Variants in ABCA12 observed in about 807,000 individuals in gnomAD.
The protein encoded by ABCA12 is ATP binding cassette subfamily A member 12.
In ABCA12, 156 loss-of-function variants were observed where a neutral mutation model predicts 293.5. That is an observed-to-expected ratio of 0.53 (90% CI 0.47 to 0.61). ABCA12 has a LOEUF of 0.61. Among genes scored for constraint, ABCA12 ranks in the 20% least tolerant of loss-of-function variants. ABCA12 has a pLI of 0.00. For missense variants in ABCA12, 2,797 were observed against 3,090.2 expected (o/e 0.91, Z 2.25); for synonymous variants, 1,063 against 1,108.0 (o/e 0.96, Z 0.81).
chr2:215,129,410 G>A (rs74322692), intron 1 of ABCA12, among the ~76,000 whole-genome samples: 3,928 of 152,252 alleles, frequency 0.026, 141 homozygotes, highest in African/African-American at 0.086. Flanking sequence ...GACTTTTTAA[G>A]TAACAGCCAT....
At chr2:215,026,962 G>C in intron 9 of ABCA12, 24 bp from the exon 10 acceptor site, 1 of 1,491,890 alleles carries the variant, frequency 6.7e-7, no homozygotes. Context: ...AAAGAATATA[G>C]AAATTAAGAC....
chr2:215,063,078 T>C (rs1391428008), intron 3 of ABCA12, among the ~76,000 whole-genome samples: 3 of 152,000 alleles, frequency 2.0e-5, no homozygotes, highest in Admixed American at 1.3e-4. Flanking sequence ...AGCCTAATTA[T>C]TGAAACAACA....
At position 214,947,449 on chromosome 2, in the gene ABCA12, C is replaced by T; in HGVS notation, c.7212G>A (p.Leu2404=). 1 of 1,613,932 alleles carries T rather than the reference C, an allele frequency of 6.2e-7. No individual in the cohort carries two copies. Among genetic ancestry groups the T allele is most frequent in the Non-Finnish European group, 8.5e-7 (1 of 1,179,864 alleles). Residue 2404 remains leucine, a synonymous_variant, in exon 48 of 53, where the codon TTG becomes TTA. Transcript: ENST00000272895. Reference sequence around the variant, plus strand: ...GCAGTAGAATGGAAGGTTTCCCTATCAAGGCCAGTGCAGTGGATAATTTTC... The same window carrying T: ...GCAGTAGAATGGAAGGTTTCCCTATTAAGGCCAGTGCAGTGGATAATTTTC... ...TKRKLSTALA[L]IGKPSILLLD...
chr2:214,940,349 A>T (rs1328776993), intron 50 of ABCA12, among the ~76,000 whole-genome samples: 5 of 152,208 alleles, frequency 3.3e-5, no homozygotes, highest in African/African-American at 9.6e-5. Flanking sequence ...TTTGATATGC[A>T]GCTGGATTCG....
At chr2:215,106,748 CAAAAAA>C (rs34394993) in intron 2 of ABCA12, among the ~76,000 whole-genome samples, 1 of 101,594 alleles carries the variant, frequency 9.8e-6, no homozygotes. Flanking sequence ...GCTTTGGAGG[CAAAAAA>C]AAAAAAAAAA....
intron 30 of ABCA12, 36 bp from the exon 31 acceptor site, chr2:214,980,679 C>A: frequency 6.2e-7 from 1 of 1,613,176 alleles, no homozygotes; most frequent in South Asian, 1.1e-5. Flanking sequence ...GGGAATGAAA[C>A]GTGAAAGTAC....
intron 7 of ABCA12, chr2:215,044,631 A>G (rs1460343616): frequency 2.6e-5 from 4 of 152,170 alleles, no homozygotes; most frequent in Admixed American, 6.5e-5. Context: ...GAAAGAGTAT[A>G]GGACTGGGAT....
rs140742656 is a variant in ABCA12, at chr2:214,982,233, T to G, written c.4533A>C (p.Pro1511=). 74 of 1,613,906 alleles carry G rather than the reference T, an allele frequency of 4.6e-5. No homozygotes were observed. The highest frequency in any genetic ancestry group is 6.3e-5 in the Non-Finnish European group (74 of 1,180,014). The change falls in exon 30 of 53, where the codon CCA becomes CCC. Residue 1511 remains proline, a synonymous_variant. Coordinates refer to ENST00000272895, the MANE Select transcript of ABCA12 (RefSeq NM_173076.3). ...CATCCCATATACTTCGGCGAGAACA[T>G]GGGTCAACTCCAGTAGATGGTTCAT... The part of the protein sequence containing the change: ...ILDEPSTGVD[P]CSRRSIWDVI...
intron 23 of ABCA12, among the ~76,000 whole-genome samples, chr2:214,997,279 T>A (rs1700055873): frequency 6.6e-6 from 1 of 152,222 alleles, no homozygotes; most frequent in Non-Finnish European, 1.5e-5. Context: ...ATGCCATATG[T>A]CTATGTCTAT....
At chr2:214,994,086 C>T (rs1303986644) in intron 23 of ABCA12, among the ~76,000 whole-genome samples, 2 of 151,944 alleles carry the variant, frequency 1.3e-5, no homozygotes, top group East Asian at 1.9e-4. Context: ...TTTTATGCCA[C>T]GAGGAAAACA....
intron 45 of ABCA12, among the ~76,000 whole-genome samples, chr2:214,949,471 G>A (rs1279651350): frequency 6.6e-6 from 1 of 150,658 alleles, no homozygotes; most frequent in Non-Finnish European, 1.5e-5. Context: ...CCACAAATAA[G>A]ATCTGCTAAC....
At chr2:215,109,067 A>G (rs1382910103) in intron 2 of ABCA12, among the ~76,000 whole-genome samples, 1 of 151,744 alleles carries the variant, frequency 6.6e-6, no homozygotes, top group Non-Finnish European at 1.5e-5. Flanking sequence ...ACTGTCTCAA[A>G]AAAAAAAAAG....
In ABCA12 at chr2:215,019,401, T is replaced by C; in HGVS notation, c.1592A>G (p.Gln531Arg). Residue 531 changes from glutamine to arginine, a missense_variant, in exon 13 of 53, where the codon CAG becomes CGG. Coordinates refer to ENST00000272895, the MANE Select transcript of ABCA12 (RefSeq NM_173076.3). ...CATGGCTTCTATGATCGGTATTAAC[T>C]GAGTGATATTTTCCAAGTAATTCAT... ...LQMNYLENIT[Q>R]LIPIIEAMLH... 1 of 1,613,792 alleles carries C rather than the reference T, an allele frequency of 6.2e-7. No homozygotes were observed. The highest frequency in any genetic ancestry group is 8.5e-7 in the Non-Finnish European group (1 of 1,180,030).
At chr2:215,058,537 T>C (rs1701465355) in intron 3 of ABCA12, among the ~76,000 whole-genome samples, 1 of 151,988 alleles carries the variant, frequency 6.6e-6, no homozygotes, top group African/African-American at 2.4e-5. Flanking sequence ...GGGAAGCATA[T>C]GAAAGTACTG....
rs747675486 is a variant in ABCA12 at position 215,064,054 on chromosome 2, A to T, written c.317+12T>A. 5 of 1,612,316 alleles carry T rather than the reference A, an allele frequency of 3.1e-6. No individual in the cohort carries two copies. The highest frequency in any genetic ancestry group is 4.2e-6 in the Non-Finnish European group (5 of 1,178,828). On this transcript the variant is annotated intron_variant, in intron 3 of 52. Coordinates refer to ENST00000272895, the MANE Select transcript of ABCA12 (RefSeq NM_173076.3). ...CTCAGAACAATTGAACACACTTGAG[A>T]AGTGCCCCCACCTGTCTTTAAATAG...
chr2:215,044,062 A>AT (rs111340290), intron 7 of ABCA12, among the ~76,000 whole-genome samples: 21,889 of 151,860 alleles, frequency 0.14, 4,770 homozygotes, highest in African/African-American at 0.47. Flanking sequence ...TTGTTTTGCC[A>AT]TTTTTTTATA....
At chr2:214,953,625 T>C (rs1016512784) in intron 44 of ABCA12, among the ~76,000 whole-genome samples, 17 of 152,252 alleles carry the variant, frequency 1.1e-4, no homozygotes, top group African/African-American at 3.9e-4. Flanking sequence ...ACTGTGCTTA[T>C]TTAATTTTAT....
intron 43 of ABCA12, 59 bp from the exon 44 acceptor site, chr2:214,954,166 AT>A: frequency 6.3e-7 from 1 of 1,574,900 alleles, no homozygotes; most frequent in Non-Finnish European, 8.7e-7. Context: ...GCTGACAAAA[AT>A]TTAAAACTAG....
At chr2:215,094,877 G>C (rs779534079) in intron 2 of ABCA12, among the ~76,000 whole-genome samples, 6 of 152,038 alleles carry the variant, frequency 3.9e-5, no homozygotes, top group Non-Finnish European at 7.4e-5. Context: ...CTCTTTTGGT[G>C]CTCCCTCTCA....
Sources: allele counts gnomAD v4.1 joint callset (sites outside exome capture counted in the v4.1 genomes callset), GRCh38; gene constraint gnomAD v4.1.1; transcripts MANE v1.5; gene names NCBI Gene and HGNC (gene_info 2026-07-23, HGNC 2026-07-21).